The following TMEM154 variants were observed in gnomAD, a reference collection of about 807,000 sequenced individuals.
The protein encoded by TMEM154 is transmembrane protein 154.
In TMEM154, 27 loss-of-function variants were observed where a neutral mutation model predicts 24.5. That is an observed-to-expected ratio of 1.10 (90% CI 0.81 to 1.52). The LOEUF (loss-of-function observed/expected upper bound fraction) is 1.52, where lower values mean the gene tolerates loss of function less well. Ranked by LOEUF, TMEM154 falls within the 40% of genes most tolerant of loss-of-function variation. The pLI is 0.00. For missense variants in TMEM154, 228 were observed against 213.4 expected, an observed-to-expected ratio of 1.07 and a Z score of -0.43; for synonymous variants, 67 against 76.8, an observed-to-expected ratio of 0.87 and a Z score of 0.67.
At chr4:152,658,279 A>G (rs1271896496) in intron 1 of TMEM154, among the ~76,000 whole-genome samples, 1 of 152,240 alleles carries the variant, frequency 6.6e-6, no homozygotes, top group Non-Finnish European at 1.5e-5. Flanking sequence ...CCTATGGGAT[A>G]CAGCAAAAGC....
chr4:152,648,688 T>C (rs1181670002), intron 3 of TMEM154, among the ~76,000 whole-genome samples: 3 of 152,200 alleles, frequency 2.0e-5, no homozygotes, highest in Non-Finnish European at 4.4e-5. Context: ...ATGTCTGAGG[T>C]TGAGGCTGGC....
chr4:152,648,458 G>A (rs902215341), intron 3 of TMEM154, among the ~76,000 whole-genome samples: 1 of 152,184 alleles, frequency 6.6e-6, no homozygotes, highest in Non-Finnish European at 1.5e-5. Context: ...TTGTGCCACC[G>A]CATTCCAGCC....
chr4:152,645,934 T>TAC (rs10545647), intron 3 of TMEM154, among the ~76,000 whole-genome samples: 23,100 of 140,278 alleles, frequency 0.16, 2,142 homozygotes, highest in Non-Finnish European at 0.23. Flanking sequence ...GAAAGGAGAA[T>TAC]ACACACACAC....
At chr4:152,630,985 T>C (rs1027882206) in intron 6 of TMEM154, among the ~76,000 whole-genome samples, 2 of 152,290 alleles carry the variant, frequency 1.3e-5, no homozygotes, top group African/African-American at 4.8e-5. Flanking sequence ...AATCAAAAAC[T>C]TTTTTTAGCC....
chr4:152,647,807 A>G (rs982294170), intron 3 of TMEM154, among the ~76,000 whole-genome samples: 2 of 152,186 alleles, frequency 1.3e-5, no homozygotes, highest in African/African-American at 2.4e-5. Flanking sequence ...GCCTATATAA[A>G]CCATTTAATT....
At chr4:152,666,683 T>G (rs983759613) in intron 1 of TMEM154, 5 of 152,278 alleles carry the variant, frequency 3.3e-5, no homozygotes, top group Non-Finnish European at 5.9e-5. Flanking sequence ...AAAAATCAAT[T>G]GTTCAGCATC....
At chr4:152,646,151 CCTGA>C (rs1362501369) in intron 3 of TMEM154, among the ~76,000 whole-genome samples, 7 of 152,074 alleles carry the variant, frequency 4.6e-5, no homozygotes, top group Non-Finnish European at 1.0e-4. Context: ...TGAATAAACC[CCTGA>C]CTATTTTCCC....
At chr4:152,670,874 T>C (rs1017221799) in intron 1 of TMEM154, among the ~76,000 whole-genome samples, 6 of 152,176 alleles carry the variant, frequency 3.9e-5, no homozygotes, top group Admixed American at 1.3e-4. Context: ...AAGTGGCCAT[T>C]TGGCAAGTGC....
At chr4:152,646,666 G>C in intron 3 of TMEM154, 1 of 371,476 alleles carries the variant, frequency 2.7e-6, no homozygotes. Context: ...AACCCACTTT[G>C]TCCTCCTCCT....
In TMEM154 at chr4:152,679,972, G is replaced by C; in HGVS notation, c.-39C>G. On this transcript the variant is annotated 5_prime_UTR_variant, in exon 1 of 7. Transcript: ENST00000304385. ...GGCAGAGGCGCGCTCAGGATGCTGC[G>C]CCGGGCTGCAGCCTCTCTGAAACGT... is the stretch of plus-strand genomic sequence containing the variant. 1 of 1,566,922 alleles carries C rather than the reference G, an allele frequency of 6.4e-7. No individual in the cohort carries two copies.
chr4:152,663,935 G>A (rs1053304825), intron 1 of TMEM154, among the ~76,000 whole-genome samples: 6 of 152,184 alleles, frequency 3.9e-5, no homozygotes, highest in African/African-American at 7.2e-5. Context: ...TTGAGGTAAC[G>A]CCTGGCAGCC....
In TMEM154 at chr4:152,620,840, T is replaced by TG. The variant is rs756802106; in HGVS notation, c.*7705dup. ...AAAACACTTTCCTACGGCTAGTTAT[T>TG]GGGGATGCAGTGCAGTGCAGTGATT... On this transcript the variant is annotated 3_prime_UTR_variant, in exon 7 of 7. Transcript: ENST00000304385. 1.1e-4 allele frequency: 16 copies of TG among 152,290 alleles called. No individual in the cohort carries two copies. The highest frequency in any genetic ancestry group is 2.1e-4 in the Non-Finnish European group (14 of 68,048). 9.4% of individuals were successfully genotyped at this position (152,290 alleles called of 1,614,324 possible).
intron 4 of TMEM154, 145 bp downstream of exon 4, chr4:152,644,270 C>T (rs71620220): frequency 0.081 from 66,862 of 826,260 alleles, 3,077 homozygotes; most frequent in Non-Finnish European, 0.093. Context: ...CATCCTCCCT[C>T]AGGCTGCCAA....
chr4:152,677,564 C>T (rs1728974763), intron 1 of TMEM154, among the ~76,000 whole-genome samples: 1 of 152,186 alleles, frequency 6.6e-6, no homozygotes, highest in African/African-American at 2.4e-5. Flanking sequence ...TTTAAAATCA[C>T]CTTTTCCATG....
chr4:152,636,781 G>A (rs1364328128), intron 6 of TMEM154, among the ~76,000 whole-genome samples: 2 of 152,234 alleles, frequency 1.3e-5, no homozygotes, highest in East Asian at 3.8e-4. Flanking sequence ...ATAGATAACA[G>A]AGGTTCTATG....
At chr4:152,634,031 CAAAAAAAA>C (rs1167923301) in intron 6 of TMEM154, among the ~76,000 whole-genome samples, 19 of 20,412 alleles carry the variant, frequency 9.3e-4, no homozygotes, top group African/African-American at 2.5e-3. Context: ...GACCCCATCT[CAAAAAAAA>C]AAAAAAAAAA....
intron 6 of TMEM154, among the ~76,000 whole-genome samples, chr4:152,637,095 T>C (rs961802702): frequency 2.0e-5 from 3 of 152,182 alleles, no homozygotes; most frequent in African/African-American, 7.2e-5. Context: ...TGTGCATGTG[T>C]GAGGGCAGAG....
rs1010877790 is a variant in TMEM154, at chr4:152,624,805, T to C, written c.*3741A>G. On this transcript the variant is annotated 3_prime_UTR_variant, in exon 7 of 7. Transcript: ENST00000304385. The stretch of plus-strand genomic sequence containing the variant: ...AGACACTAATATACAGGAACTCTTT[T>C]GGTCATTGTCACATAGCAGAAATGC... The C allele has an allele frequency of 3.9e-5, 6 of 152,240 alleles. No individual in the cohort carries two copies. Among genetic ancestry groups the C allele is most frequent in the Non-Finnish European group, 2.9e-5 (2 of 68,038 alleles). The allele number at this position is 152,240 out of a possible 1,614,324, so 9.4% of individuals were successfully genotyped here. A position where few individuals can be genotyped will look rare whatever the true frequency, so the allele number is the denominator to read the frequency against.
chr4:152,657,054 A>T (rs1388433856), intron 1 of TMEM154, among the ~76,000 whole-genome samples: 1 of 150,800 alleles, frequency 6.6e-6, no homozygotes. Context: ...AAGCTTCAAC[A>T]ATAGACTAAA....
Sources: gnomAD v4.1 joint callset for allele counts (sites outside exome capture counted in the v4.1 genomes callset) on GRCh38, gnomAD v4.1.1 for gene constraint, MANE v1.5 for transcripts, NCBI Gene and HGNC (gene_info 2026-07-23, HGNC 2026-07-21) for gene names.